Variants in MAN2A1 observed in about 807,000 individuals in gnomAD.
MAN2A1 encodes mannosidase alpha class 2A member 1.
Under a neutral mutation model 142.6 loss-of-function variants are expected in MAN2A1, and 76 were observed. That is an observed-to-expected ratio of 0.53 (90% CI 0.44 to 0.65). The LOEUF (loss-of-function observed/expected upper bound fraction) is 0.65, where lower values mean the gene tolerates loss of function less well. Among genes scored for constraint, MAN2A1 ranks in the 30% least tolerant of loss-of-function variants. MAN2A1 has a pLI of 0.00. For missense variants in MAN2A1, 1,311 were observed against 1,365.1 expected, an observed-to-expected ratio of 0.96 and a Z score of 0.62; for synonymous variants, 559 against 473.2, an observed-to-expected ratio of 1.18 and a Z score of -2.35.
chr5:109,754,932 CGG>C (rs1752647891), intron 4 of MAN2A1, among the ~76,000 whole-genome samples: 6 of 152,022 alleles, frequency 3.9e-5, no homozygotes, highest in Non-Finnish European at 5.9e-5. Context: ...ACCTGGGAGG[CGG>C]AGGTTGCAGT....
Position 109,845,450 on chromosome 5 carries a change from A to G in MAN2A1, c.2701-415A>G, listed in dbSNP as rs910300587. 2.8e-4 allele frequency among the ~76,000 whole-genome samples: 43 copies of G among 152,296 alleles called. No homozygotes were observed. The East Asian group carries it at 8.1e-3, about 29-fold the overall frequency. On this transcript the variant is annotated intron_variant, in intron 17 of 21. Transcript: ENST00000261483. ...ATTTATTAAAACCAATTCAAGAATAATAAGAGATATTTCTTGAAAGGGGAT... is the reference window on the plus strand; with the variant it reads ...ATTTATTAAAACCAATTCAAGAATAGTAAGAGATATTTCTTGAAAGGGGAT...
At chr5:109,755,150 G>A (rs149005078) in intron 4 of MAN2A1, among the ~76,000 whole-genome samples, 179 bp from the exon 5 acceptor site, 2,378 of 152,242 alleles carry the variant, frequency 0.016, 54 homozygotes, top group African/African-American at 0.054. Context: ...CTGAGACACC[G>A]GGTGCTATCA....
At chr5:109,820,146 A>G (rs753815301) in intron 14 of MAN2A1, 74 bp from the exon 15 acceptor site, 6 of 1,305,850 alleles carry the variant, frequency 4.6e-6, no homozygotes, top group Non-Finnish European at 6.4e-6. Flanking sequence ...AAATTGTCAT[A>G]TACATAGAAC....
intron 12 of MAN2A1, among the ~76,000 whole-genome samples, chr5:109,809,527 C>T (rs1463203216): frequency 6.6e-6 from 1 of 152,200 alleles, no homozygotes; most frequent in East Asian, 1.9e-4. Context: ...GATTTTTAGG[C>T]TGGCAGTATT....
At chr5:109,734,095 G>A (rs1752008746) in intron 4 of MAN2A1, among the ~76,000 whole-genome samples, 1 of 152,064 alleles carries the variant, frequency 6.6e-6, no homozygotes, top group Non-Finnish European at 1.5e-5. Context: ...TCTTGGGAGG[G>A]TGTATGTGTC....
chr5:109,703,876 C>T (rs1369610639), intron 1 of MAN2A1, among the ~76,000 whole-genome samples: 2 of 152,130 alleles, frequency 1.3e-5, no homozygotes, highest in Non-Finnish European at 2.9e-5. Context: ...AATGTTGCCT[C>T]AACAGGAGGT....
intron 8 of MAN2A1, among the ~76,000 whole-genome samples, chr5:109,777,467 C>G (rs1484505458): frequency 6.6e-6 from 1 of 151,874 alleles, no homozygotes; most frequent in Non-Finnish European, 1.5e-5. Context: ...TGAATTCTAT[C>G]TTTTTTCATA....
intron 20 of MAN2A1, among the ~76,000 whole-genome samples, chr5:109,857,019 C>T (rs748534176): frequency 6.6e-6 from 1 of 152,098 alleles, no homozygotes; most frequent in African/African-American, 2.4e-5. Context: ...GGAGGTAACA[C>T]AATTTTGATT....
rs146378894 is a variant in MAN2A1, at chr5:109,850,292, C to T, written c.2976+2502C>T. Among the ~76,000 whole-genome samples the T allele has an allele frequency of 3.3e-5, 5 of 152,228 alleles. No homozygotes were observed. In the South Asian group the frequency reaches 1.0e-3, roughly 32 times the overall value. ...GCCACTGTATTTATTGCAATTTCTG[C>T]CTATTACCTTGTCTTCATATGCATG... On this transcript the variant is annotated intron_variant, in intron 19 of 21. Transcript: ENST00000261483.
intron 17 of MAN2A1, 50 bp from the exon 18 acceptor site, chr5:109,845,815 G>T: frequency 6.7e-7 from 1 of 1,484,246 alleles, no homozygotes; most frequent in South Asian, 1.3e-5. Context: ...GTTTTTAAAA[G>T]AACATATGTA....
In MAN2A1 at chr5:109,841,366, G is replaced by C. The variant is rs146455022; in HGVS notation, c.2567-962G>C. ...TATGCCTTTGCATCCTCATAGCTTA[G>C]CTCCCACATATCAGTGAGAACATAC... On this transcript the variant is annotated intron_variant, in intron 16 of 21. Transcript: ENST00000261483. 6.2e-4 allele frequency among the ~76,000 whole-genome samples: 95 copies of C among 152,176 alleles called. No homozygotes were observed. In the East Asian group the frequency reaches 0.015, roughly 24 times the overall value.
intron 4 of MAN2A1, among the ~76,000 whole-genome samples, chr5:109,740,960 A>G (rs538343775): frequency 1.3e-5 from 2 of 152,248 alleles, no homozygotes; most frequent in African/African-American, 4.8e-5. Context: ...AAAATTGCCA[A>G]TATTTGACTA....
At position 109,847,640 on chromosome 5, in the gene MAN2A1, G is replaced by C. The variant is rs11241041; in HGVS notation, c.2843-17G>C. The C allele has an allele frequency of 1.9e-4, 287 of 1,496,740 alleles. No individual in the cohort carries two copies. The African/African-American group carries it at 3.6e-3, about 19-fold the overall frequency. The allele number at this position is 1,496,740 out of a possible 1,614,324, so 92.7% of individuals were successfully genotyped here. ...TTATTCTGGTCAGTTTTGCTTGTTT[G>C]TTTGTTTGTGTGTTAGGTCAGATTG... On this transcript the variant is annotated splice_polypyrimidine_tract_variant and intron_variant, in intron 18 of 21. Coordinates refer to ENST00000261483, the MANE Select transcript of MAN2A1 (RefSeq NM_002372.4).
intron 3 of MAN2A1, among the ~76,000 whole-genome samples, chr5:109,725,675 TTGCCCACATCCTCA>T (rs1751724788): frequency 6.6e-6 from 1 of 152,188 alleles, no homozygotes; most frequent in Admixed American, 6.5e-5. Context: ...CAGGTAACTC[TTGCCCACATCCTCA>T]TGGTGGTACT....
At chr5:109,696,451 C>T (rs907583740) in intron 1 of MAN2A1, among the ~76,000 whole-genome samples, 2 of 152,196 alleles carry the variant, frequency 1.3e-5, no homozygotes, top group African/African-American at 2.4e-5. Flanking sequence ...ATACTGTTTT[C>T]TAAAGAAGAG....
chr5:109,803,619 T>C (rs1754088043), intron 12 of MAN2A1, among the ~76,000 whole-genome samples: 1 of 152,070 alleles, frequency 6.6e-6, no homozygotes, highest in South Asian at 2.1e-4. Flanking sequence ...GGCAGAATTG[T>C]CATGGAAAGT....
At chr5:109,800,563 A>G (rs1336581007) in intron 12 of MAN2A1, among the ~76,000 whole-genome samples, 1 of 152,194 alleles carries the variant, frequency 6.6e-6, no homozygotes, top group African/African-American at 2.4e-5. Context: ...CAAATATTTT[A>G]AAAGACTTAA....
At chr5:109,840,136 C>T in intron 16 of MAN2A1, 1 of 186,434 alleles carries the variant, frequency 5.4e-6, no homozygotes, top group Non-Finnish European at 1.1e-5. Context: ...TCATTTGTTC[C>T]AGTTTCTTCT....
chr5:109,842,310 A>T lies in MAN2A1; in HGVS notation c.2567-18A>T. On this transcript the variant is annotated intron_variant, in intron 16 of 21. Coordinates refer to ENST00000261483, the MANE Select transcript of MAN2A1 (RefSeq NM_002372.4). The stretch of plus-strand genomic sequence containing the variant: ...GTAATTTCTTTCTATTAATCCATAT[A>T]TATTTTTTTAAATTTAGGAATAGAA... 6.8e-7 allele frequency: 1 copy of T among 1,465,052 alleles called. No individual in the cohort carries two copies. The highest frequency in any genetic ancestry group is 9.2e-7 in the Non-Finnish European group (1 of 1,083,282). The allele number at this position is 1,465,052 out of a possible 1,614,324, so 90.8% of individuals were successfully genotyped here.
Sources: gnomAD v4.1 joint callset for allele counts (sites outside exome capture counted in the v4.1 genomes callset) on GRCh38, gnomAD v4.1.1 for gene constraint, MANE v1.5 for transcripts, NCBI Gene and HGNC (gene_info 2026-07-23, HGNC 2026-07-21) for gene names.